The following ACACB variants were observed in gnomAD, a reference collection of about 807,000 sequenced individuals.
ACACB encodes the protein acetyl-CoA carboxylase 2.
In ACACB, 209 loss-of-function variants were observed where a neutral mutation model predicts 278.8. The ratio of observed to expected loss-of-function variants is 0.75; its 90% CI spans 0.67 to 0.84. The LOEUF is 0.84. ACACB is among the 40% of genes least tolerant of loss of function. ACACB has a pLI of 0.00. For synonymous variants in ACACB, 1,174 were observed against 1,285.6 expected (o/e 0.91, Z 1.86); for missense variants, 2,850 against 3,269.0 (o/e 0.87, Z 3.13).
At chr12:109,260,092 C>G in intron 47 of ACACB, 1 of 1,364,224 alleles carries the variant, frequency 7.3e-7, no homozygotes, top group Non-Finnish European at 9.7e-7. Context: ...AGAGATGTGT[C>G]TTGGTGGAAG....
rs1424541764 is a variant in ACACB, at chr12:109,250,107, G to A, written c.5790+3G>A. The A allele has an allele frequency of 3.1e-6, 5 of 1,591,448 alleles. No individual in the cohort carries two copies. The highest frequency in any genetic ancestry group is 1.8e-5 in the Admixed American group (1 of 54,084). On this transcript the variant is annotated splice_donor_region_variant and intron_variant, in intron 41 of 52. Transcript: ENST00000338432. Reference sequence around the variant, plus strand: ...AAGAGATCGTCACCATTAGCTTGGTGAGTCTTCTTCTATTTTCTCTTACTT... The same window carrying A: ...AAGAGATCGTCACCATTAGCTTGGTAAGTCTTCTTCTATTTTCTCTTACTT...
At chr12:109,203,319 C>G (rs1265427296) in intron 19 of ACACB, among the ~76,000 whole-genome samples, 1 of 152,228 alleles carries the variant, frequency 6.6e-6, no homozygotes, top group Non-Finnish European at 1.5e-5. Context: ...CAGCTATGAA[C>G]ATGAGTGTAC....
intron 16 of ACACB, 144 bp from the exon 17 acceptor site, chr12:109,196,864 G>A: frequency 2.0e-6 from 2 of 1,004,946 alleles, no homozygotes; most frequent in South Asian, 2.1e-5. Context: ...GGCAGGAATT[G>A]TGAGGGCTGG....
intron 31 of ACACB, 103 bp downstream of exon 31, chr12:109,234,148 C>G: frequency 1.1e-6 from 1 of 928,124 alleles, no homozygotes; most frequent in African/African-American, 1.6e-5. Context: ...CTGAGTACTT[C>G]AGAGCCACAG....
chr12:109,250,341 A>G (rs2047060722), intron 41 of ACACB, among the ~76,000 whole-genome samples: 1 of 152,186 alleles, frequency 6.6e-6, no homozygotes, highest in Non-Finnish European at 1.5e-5. Context: ...ACGTAAGGGT[A>G]GATCTTTAAC....
In ACACB at chr12:109,176,318, C is replaced by T. The variant is rs1308332155; in HGVS notation, c.1437+55C>T. ...TCTGTCTTTGGGAATTGTTTGTGGG[C>T]TGCCAGATTATTTCTCTTAGCATTA... On this transcript the variant is annotated intron_variant, in intron 9 of 52. Transcript: ENST00000338432. 6.9e-6 allele frequency: 10 copies of T among 1,445,254 alleles called. No individual in the cohort carries two copies. The East Asian group carries it at 1.6e-4, about 23-fold the overall frequency. 89.5% of individuals were successfully genotyped at this position (1,445,254 alleles called of 1,614,324 possible).
chr12:109,254,466 C>T, intron 44 of ACACB, 132 bp downstream of exon 44: 3 of 931,982 alleles, frequency 3.2e-6, no homozygotes, highest in Non-Finnish European at 4.7e-6. Flanking sequence ...AGAGGTATAC[C>T]TGAAATCAAA....
intron 2 of ACACB, among the ~76,000 whole-genome samples, chr12:109,165,376 A>G (rs1263597799): frequency 6.6e-6 from 1 of 152,068 alleles, no homozygotes; most frequent in African/African-American, 2.4e-5. Flanking sequence ...TTTTAATGAG[A>G]TGGGGTCTTG....
chr12:109,242,340 T>G (rs1391829616), intron 36 of ACACB, 97 bp from the exon 37 acceptor site: 276 of 1,391,998 alleles, frequency 2.0e-4, no homozygotes, highest in Non-Finnish European at 2.7e-4. Flanking sequence ...ATGCTTTGCT[T>G]CCCCCACCTG....
At chr12:109,239,211 G>GC (rs1480547633) in intron 34 of ACACB, among the ~76,000 whole-genome samples, 2 of 152,182 alleles carry the variant, frequency 1.3e-5, no homozygotes, top group Non-Finnish European at 2.9e-5. Context: ...ACTGTGCCTG[G>GC]CCAAGCCGTT....
chr12:109,197,143 G>A lies in ACACB; in HGVS notation c.2617G>A (p.Glu873Lys), dbSNP rs2045164375. ...CAGCTACACCACCTACATGAAGGAA[G>A]AGGTTGACAGGTGCGTGGGGGTGCG... is the stretch of plus-strand genomic sequence containing the variant. Reference protein sequence around the residue: ...GNSYTTYMKEEVDSYRITIGN... With the variant: ...GNSYTTYMKEKVDSYRITIGN... Residue 873 changes from glutamate to lysine, a missense_variant, in exon 17 of 53, where the codon GAG (glutamate) becomes AAG (lysine). Glu to Lys is a moderately conservative substitution (Grantham distance 56). Transcript: ENST00000338432. 10 of 1,605,788 alleles carry A rather than the reference G, an allele frequency of 6.2e-6. No individual in the cohort carries two copies. Among genetic ancestry groups the A allele is most frequent in the Non-Finnish European group, 8.5e-6 (10 of 1,176,452 alleles).
At chr12:109,225,776 A>G (rs4766584) in intron 27 of ACACB, among the ~76,000 whole-genome samples, 55,892 of 152,124 alleles carry the variant, frequency 0.37, 10,774 homozygotes, top group African/African-American at 0.49. Flanking sequence ...CATCCAGTCT[A>G]AATCGAGCTG....
At chr12:109,145,339 G>A (rs2043215649) in intron 2 of ACACB, among the ~76,000 whole-genome samples, 1 of 152,140 alleles carries the variant, frequency 6.6e-6, no homozygotes. Context: ...GGGGGTACAA[G>A]TTCAGTTTTG....
intron 36 of ACACB, 78 bp from the exon 37 acceptor site, chr12:109,242,359 T>C (rs954775767): frequency 2.0e-6 from 3 of 1,502,512 alleles, no homozygotes; most frequent in African/African-American, 1.4e-5. Context: ...TGCATTTTCA[T>C]TGAGGACTGG....
chr12:109,130,705 G>T (rs775260366), intron 1 of ACACB, among the ~76,000 whole-genome samples: 1 of 152,136 alleles, frequency 6.6e-6, no homozygotes, highest in Admixed American at 6.5e-5. Flanking sequence ...AGCCTCTTAC[G>T]CCCCAGCAGC....
At chr12:109,254,078 A>G (rs1178873153) in intron 43 of ACACB, 136 bp from the exon 44 acceptor site, 1 of 1,006,442 alleles carries the variant, frequency 9.9e-7, no homozygotes, top group African/African-American at 1.6e-5. Flanking sequence ...CAATCAGAGC[A>G]GTGGCTTCAG....
At chr12:109,205,342 C>T (rs147543441) in intron 19 of ACACB, among the ~76,000 whole-genome samples, 7 of 152,252 alleles carry the variant, frequency 4.6e-5, no homozygotes, top group East Asian at 1.9e-4. Context: ...ACTGGGAGAT[C>T]GAGTAACTTC....
rs1228931233 is a variant in ACACB at position 109,216,676 on chromosome 12, T to C, written c.3409T>C (p.Tyr1137His). The change falls in exon 23 of 53, where the codon TAC becomes CAC. Residue 1137 changes from tyrosine (Y) to histidine (H), a missense_variant. Coordinates refer to ENST00000338432, the MANE Select transcript of ACACB (RefSeq NM_001093.4). ...AGTGGTGTTGGATCTCCTGAGAAGATACTTGCGTGTTGAGCACCATTTTCA... is the reference window on the plus strand; with the variant it reads ...AGTGGTGTTGGATCTCCTGAGAAGACACTTGCGTGTTGAGCACCATTTTCA... ...KTVVLDLLRR[Y>H]LRVEHHFQQA... The C allele has an allele frequency of 6.2e-7, 1 of 1,614,100 alleles. No homozygotes were observed. Among genetic ancestry groups the C allele is most frequent in the African/African-American group, 1.3e-5 (1 of 74,946 alleles).
chr12:109,219,937 T>G (rs2046112640), intron 24 of ACACB, among the ~76,000 whole-genome samples: 1 of 152,226 alleles, frequency 6.6e-6, no homozygotes, highest in African/African-American at 2.4e-5. Flanking sequence ...ATAATGTTTT[T>G]CAAAATACAT....
Sources: allele counts gnomAD v4.1 joint callset (sites outside exome capture counted in the v4.1 genomes callset), GRCh38; gene constraint gnomAD v4.1.1; transcripts MANE v1.5; gene names NCBI Gene and HGNC (gene_info 2026-07-23, HGNC 2026-07-21).